HYDIN: variants seen among roughly 807,000 people sequenced by gnomAD.
The protein encoded by HYDIN is axonemal central pair apparatus protein HYDIN.
Under a neutral mutation model 403.9 loss-of-function variants are expected in HYDIN, and 132 were observed. That is an observed-to-expected ratio of 0.33 (90% CI 0.28 to 0.38). HYDIN has a LOEUF of 0.38. Among genes scored for constraint, HYDIN ranks in the 10% least tolerant of loss-of-function variants. The pLI is 1.00. For synonymous variants in HYDIN, 1,202 were observed against 1,891.7 expected (o/e 0.64, Z 9.46); for missense variants, 2,827 against 5,009.5 (o/e 0.56, Z 13.15).
intron 10 of HYDIN, among the ~76,000 whole-genome samples, chr16:71,100,305 G>A (rs1421976488): frequency 1.3e-5 from 2 of 152,186 alleles, no homozygotes; most frequent in East Asian, 1.9e-4. Flanking sequence ...CATCGAGAGT[G>A]TCCATTTTCT....
At chr16:71,220,264 A>T (rs761209593) in intron 1 of HYDIN, among the ~76,000 whole-genome samples, 5 of 152,232 alleles carry the variant, frequency 3.3e-5, no homozygotes, top group African/African-American at 4.8e-5. Flanking sequence ...AAACATTCTC[A>T]AAACTATTCT....
At chr16:70,888,043 T>C (rs2041247941) in intron 58 of HYDIN, among the ~76,000 whole-genome samples, 1 of 152,234 alleles carries the variant, frequency 6.6e-6, no homozygotes, top group Non-Finnish European at 1.5e-5. Flanking sequence ...CATTGAGTTC[T>C]AAATTTGTTT....
intron 64 of HYDIN, among the ~76,000 whole-genome samples, chr16:70,872,603 C>T (rs1340664633): frequency 3.3e-5 from 5 of 149,524 alleles, no homozygotes; most frequent in Non-Finnish European, 7.4e-5. Flanking sequence ...ACCCATCCAG[C>T]CATCATCCAC....
At chr16:70,911,936 G>A (rs1234226689) in intron 47 of HYDIN, among the ~76,000 whole-genome samples, 1 of 150,822 alleles carries the variant, frequency 6.6e-6, no homozygotes, top group African/African-American at 2.5e-5. Context: ...GTATAGAAGA[G>A]CTACTGATTT....
At chr16:71,137,722 G>C (rs1274668290) in intron 7 of HYDIN, among the ~76,000 whole-genome samples, 4 of 152,070 alleles carry the variant, frequency 2.6e-5, no homozygotes, top group Non-Finnish European at 4.4e-5. Flanking sequence ...GCATGAGCTT[G>C]ATTTGTCATT....
intron 38 of HYDIN, among the ~76,000 whole-genome samples, chr16:70,960,823 C>T (rs898629348): frequency 1.3e-5 from 2 of 151,938 alleles, no homozygotes; most frequent in African/African-American, 4.8e-5. Flanking sequence ...TCCCAAGTAG[C>T]TGGGACTACA....
intron 55 of HYDIN, 66 bp downstream of exon 55, chr16:70,894,383 C>T: frequency 1.2e-6 from 2 of 1,606,940 alleles, no homozygotes; most frequent in Non-Finnish European, 1.7e-6. Flanking sequence ...AACACGATCT[C>T]ATATTTCCCC....
At chr16:70,812,815 C>G (rs1355365171) in intron 84 of HYDIN, among the ~76,000 whole-genome samples, 4 of 152,134 alleles carry the variant, frequency 2.6e-5, no homozygotes, top group Non-Finnish European at 5.9e-5. Flanking sequence ...CCTCAATAAT[C>G]CCCACCTCTG....
In HYDIN at chr16:70,807,614, T is replaced by C; in HGVS notation, c.15332A>G (p.Lys5111Arg). 1 of 1,613,956 alleles carries C rather than the reference T, an allele frequency of 6.2e-7. No homozygotes were observed. Among genetic ancestry groups the C allele is most frequent in the East Asian group, 2.2e-5 (1 of 44,886 alleles). The change falls in exon 86 of 86, where the codon AAA becomes AGA. Residue 5111 changes from lysine (K) to arginine (R), a missense_variant. By Grantham distance (26) the Lys-to-Arg change is conservative. Transcript: ENST00000393567. ...PPGEGSETGV[K>R]WVYYLKGITL The stretch of plus-strand genomic sequence containing the variant: ...GATCCCCTTCAGATAATAAACCCAT[T>C]TAACTCCAGTCTCACTCCCTTCACC...
chr16:70,853,689 G>A (rs1364907133), intron 73 of HYDIN, among the ~76,000 whole-genome samples: 1 of 141,508 alleles, frequency 7.1e-6, no homozygotes, highest in African/African-American at 3.1e-5. Context: ...GGGTGAGGAG[G>A]TGTTGCTTGG....
intron 3 of HYDIN, among the ~76,000 whole-genome samples, chr16:71,179,923 G>A (rs2086832094): frequency 6.6e-6 from 1 of 152,110 alleles, no homozygotes; most frequent in Non-Finnish European, 1.5e-5. Context: ...GCGCCCTGGG[G>A]CACCTTGGCA....
intron 1 of HYDIN, among the ~76,000 whole-genome samples, chr16:71,223,907 T>C (rs897454155): frequency 1.3e-5 from 2 of 152,042 alleles, no homozygotes; most frequent in Admixed American, 1.3e-4. Context: ...CCACTAAAAG[T>C]AGATCTACCA....
At chr16:70,889,023 G>A (rs2041320686) in intron 58 of HYDIN, among the ~76,000 whole-genome samples, 2 of 150,756 alleles carry the variant, frequency 1.3e-5, no homozygotes, top group Admixed American at 1.3e-4. Flanking sequence ...GTCTGTTGAT[G>A]TTTTAGGGTT....
At chr16:71,027,396 C>T in intron 20 of HYDIN, 1 of 1,448,990 alleles carries the variant, frequency 6.9e-7, no homozygotes, top group Non-Finnish European at 9.0e-7. Context: ...AGATTGGGTT[C>T]ACAGTAGCTA....
intron 2 of HYDIN, 23 bp downstream of exon 2, chr16:71,186,738 A>G (rs374905019): frequency 6.3e-7 from 1 of 1,594,498 alleles, no homozygotes; most frequent in Admixed American, 1.7e-5. Context: ...AGTATTTTAC[A>G]TATTAATTCC....
At chr16:71,222,740 A>C (rs1172245801) in intron 1 of HYDIN, among the ~76,000 whole-genome samples, 1 of 152,186 alleles carries the variant, frequency 6.6e-6, no homozygotes, top group African/African-American at 2.4e-5. Context: ...CAACAGCTGC[A>C]AAAAAATAAA....
At chr16:70,813,244 C>A (rs2035620963) in intron 84 of HYDIN, among the ~76,000 whole-genome samples, 2 of 151,156 alleles carry the variant, frequency 1.3e-5, no homozygotes, top group Non-Finnish European at 3.0e-5. Flanking sequence ...AGCCACCGCG[C>A]CCGGCCTGTG....
chr16:71,139,451 G>C (rs1405963615), intron 7 of HYDIN, among the ~76,000 whole-genome samples: 2 of 152,080 alleles, frequency 1.3e-5, no homozygotes, highest in Admixed American at 6.5e-5. Flanking sequence ...GGAATCATCA[G>C]ATAGAAACTA....
rs900353679 is a variant in HYDIN, at chr16:70,804,802, T to G, written c.*2778A>C. Reference sequence around the variant, plus strand: ...GAGTGTGCTGCAACCTGGGTTCGTTTTTGTTTCTCCCCCTCCCTTCTCCCT... The same window carrying G: ...GAGTGTGCTGCAACCTGGGTTCGTTGTTGTTTCTCCCCCTCCCTTCTCCCT... On this transcript the variant is annotated 3_prime_UTR_variant, in exon 86 of 86. Transcript: ENST00000393567. Among the ~76,000 whole-genome samples, 1 of 152,152 alleles carries G rather than the reference T, an allele frequency of 6.6e-6. No individual in the cohort carries two copies. Among genetic ancestry groups the G allele is most frequent in the Non-Finnish European group, 1.5e-5 (1 of 68,034 alleles).
Sources: gnomAD v4.1 joint callset for allele counts (sites outside exome capture counted in the v4.1 genomes callset) on GRCh38, gnomAD v4.1.1 for gene constraint, MANE v1.5 for transcripts, NCBI Gene and HGNC (gene_info 2026-07-23, HGNC 2026-07-21) for gene names.